The following C10orf53 variants were observed in gnomAD, a reference collection of about 807,000 sequenced individuals.
C10orf53 encodes chromosome 10 open reading frame 53.
C10orf53 carries 8 observed loss-of-function variants against 9.4 expected under a neutral mutation model. The observed-to-expected ratio is 0.85, with a 90% CI of 0.50 to 1.53. The LOEUF is 1.53. Ranked by LOEUF, C10orf53 falls within the 40% of genes most tolerant of loss-of-function variation. C10orf53 has a pLI of 0.00. For synonymous variants in C10orf53, 48 were observed against 46.0 expected, an observed-to-expected ratio of 1.04 and a Z score of -0.18; for missense variants, 117 against 117.8, an observed-to-expected ratio of 0.99 and a Z score of 0.03.
At chr10:49,691,056 T>C (rs938415352) in intron 1 of C10orf53, among the ~76,000 whole-genome samples, 21 of 152,244 alleles carry the variant, frequency 1.4e-4, no homozygotes, top group African/African-American at 4.8e-4. Flanking sequence ...GGTTGATTTA[T>C]GCTGGAGTTT....
intron 1 of C10orf53, 118 bp downstream of exon 1, chr10:49,679,912 C>G (rs533772421): frequency 2.1e-6 from 2 of 947,838 alleles, no homozygotes; most frequent in South Asian, 2.0e-5. Flanking sequence ...TCCAGGAAGT[C>G]TTCCCCAGGA....
chr10:49,691,784 C>T (rs924413536), intron 1 of C10orf53, among the ~76,000 whole-genome samples: 3 of 152,170 alleles, frequency 2.0e-5, no homozygotes, highest in Non-Finnish European at 4.4e-5. Flanking sequence ...ACAGTGTGCT[C>T]GCCTCCTGGG....
rs1265262414 is a variant in C10orf53, at chr10:49,709,652, CT to C, written c.*1037del. On this transcript the variant is annotated 3_prime_UTR_variant, in exon 3 of 3. Coordinates refer to the C10orf53 transcript ENST00000374112. ...GTGGTTTCAGGAGAAAATTTAAACT[CT>C]TCAGCCAGGCATAAGAGACCCTTTA... 8 of 152,478 alleles carry C rather than the reference CT, an allele frequency of 5.2e-5. No individual in the cohort carries two copies. The East Asian group carries it at 1.5e-3, about 29-fold the overall frequency. The allele number at this position is 152,478 out of a possible 1,614,324, so 9.4% of individuals were successfully genotyped here.
At chr10:49,684,413 T>C (rs140344463) in intron 1 of C10orf53, among the ~76,000 whole-genome samples, 2 of 152,356 alleles carry the variant, frequency 1.3e-5, no homozygotes, top group African/African-American at 2.4e-5. Flanking sequence ...GGGAATGTGA[T>C]AGGTATTGCA....
chr10:49,692,276 A>C (rs570427893), intron 1 of C10orf53, among the ~76,000 whole-genome samples: 1 of 152,360 alleles, frequency 6.6e-6, no homozygotes, highest in African/African-American at 2.4e-5. Context: ...ATTAGCTGAC[A>C]TGGGTCAATT....
intron 1 of C10orf53, among the ~76,000 whole-genome samples, chr10:49,683,375 T>G (rs548065378): frequency 3.3e-5 from 5 of 152,216 alleles, no homozygotes; most frequent in African/African-American, 1.2e-4. Context: ...TGGGTTGCAC[T>G]TTTTTTTGTT....
chr10:49,685,291 G>A (rs1840518144), intron 1 of C10orf53, among the ~76,000 whole-genome samples: 1 of 152,148 alleles, frequency 6.6e-6, no homozygotes, highest in Non-Finnish European at 1.5e-5. Context: ...AATAAGTTAT[G>A]TAAAATATTC....
chr10:49,683,854 C>T (rs1840502701), intron 1 of C10orf53, among the ~76,000 whole-genome samples: 1 of 152,086 alleles, frequency 6.6e-6, no homozygotes. Flanking sequence ...CAAGATTGTG[C>T]CACTGCATTC....
chr10:49,705,161 A>G (rs1840714386), intron 2 of C10orf53, among the ~76,000 whole-genome samples: 1 of 152,198 alleles, frequency 6.6e-6, no homozygotes, highest in Non-Finnish European at 1.5e-5. Flanking sequence ...TCAAAAAAGT[A>G]TGGTGTGGAG....
At chr10:49,687,180 G>A (rs1435392155) in intron 1 of C10orf53, among the ~76,000 whole-genome samples, 3 of 152,320 alleles carry the variant, frequency 2.0e-5, no homozygotes, top group Admixed American at 1.3e-4. Context: ...GTTTGGAGCT[G>A]TCTGCTCTGC....
intron 1 of C10orf53, among the ~76,000 whole-genome samples, chr10:49,680,278 C>T (rs542744011): frequency 2.7e-4 from 41 of 152,330 alleles, no homozygotes; most frequent in Admixed American, 9.8e-4. Flanking sequence ...TGCTAAATGA[C>T]AGCTGTGCCT....
chr10:49,708,886 C>T (rs964224389), exon 3 of C10orf53: 3 of 485,210 alleles, frequency 6.2e-6, no homozygotes, highest in Non-Finnish European at 1.1e-5. Context: ...GGACAGCCCC[C>T]ACCATCTTCT....
At chr10:49,680,989 G>C (rs1214240432) in intron 1 of C10orf53, among the ~76,000 whole-genome samples, 1 of 152,128 alleles carries the variant, frequency 6.6e-6, no homozygotes, top group Non-Finnish European at 1.5e-5. Flanking sequence ...CTTTAGCATG[G>C]GTTTATTGGG....
rs1383028742 is a variant in C10orf53 at position 49,697,224 on chromosome 10, C to G, written c.*2622C>G. Reference sequence around the variant, plus strand: ...TAAAATAAAGATTTTGACATAGAAGCCACCTGTCTATGGCCTTATCCTCCT... The same window carrying G: ...TAAAATAAAGATTTTGACATAGAAGGCACCTGTCTATGGCCTTATCCTCCT... On this transcript the variant is annotated 3_prime_UTR_variant, in exon 3 of 3. Coordinates refer to ENST00000374111, the MANE Select transcript of C10orf53 (RefSeq NM_001042427.3). Among the ~76,000 whole-genome samples the G allele has an allele frequency of 1.3e-5, 2 of 152,130 alleles. No individual in the cohort carries two copies. Among genetic ancestry groups the G allele is most frequent in the Non-Finnish European group, 2.9e-5 (2 of 68,028 alleles).
At chr10:49,682,672 T>C (rs757888710) in intron 1 of C10orf53, among the ~76,000 whole-genome samples, 11 of 152,180 alleles carry the variant, frequency 7.2e-5, no homozygotes, top group African/African-American at 1.2e-4. Context: ...AGAGTGCTGA[T>C]TGGCTCATTT....
At chr10:49,685,007 A>G (rs914597656) in intron 1 of C10orf53, among the ~76,000 whole-genome samples, 1 of 152,218 alleles carries the variant, frequency 6.6e-6, no homozygotes, top group Non-Finnish European at 1.5e-5. Flanking sequence ...GATGTTTTTC[A>G]AAGAACAAGG....
intron 1 of C10orf53, among the ~76,000 whole-genome samples, chr10:49,687,279 T>G (rs1590640327): frequency 6.6e-6 from 1 of 152,238 alleles, no homozygotes; most frequent in East Asian, 1.9e-4. Context: ...AAAATTTTAT[T>G]AAAGCAGGAT....
chr10:49,690,338 C>A (rs1840571878), intron 1 of C10orf53, among the ~76,000 whole-genome samples: 1 of 152,054 alleles, frequency 6.6e-6, no homozygotes, highest in Admixed American at 6.6e-5. Context: ...GCATCTGCAC[C>A]CCCCCACAAC....
chr10:49,684,027 A>G (rs1840504454), intron 1 of C10orf53, among the ~76,000 whole-genome samples: 1 of 152,214 alleles, frequency 6.6e-6, no homozygotes, highest in African/African-American at 2.4e-5. Flanking sequence ...ATATGGTGTA[A>G]TGTAAGGGTC....
Sources: gnomAD v4.1 joint callset for allele counts (sites outside exome capture counted in the v4.1 genomes callset) on GRCh38, gnomAD v4.1.1 for gene constraint, MANE v1.5 for transcripts, NCBI Gene and HGNC (gene_info 2026-07-23, HGNC 2026-07-21) for gene names.